Variants in TMC1 observed in about 807,000 individuals in gnomAD.
The protein encoded by TMC1 is transmembrane channel-like protein 1.
A neutral mutation model predicts 105.8 loss-of-function variants in TMC1; 84 were observed. The ratio of observed to expected loss-of-function variants is 0.79; its 90% confidence interval spans 0.67 to 0.95. The LOEUF (loss-of-function observed/expected upper bound fraction) is 0.95. Ranked by LOEUF, TMC1 falls within the 40% of genes least tolerant of loss-of-function variation. TMC1 has a pLI of 0.00. For synonymous variants in TMC1, 315 were observed against 311.5 expected (o/e 1.01, Z -0.12); for missense variants, 817 against 914.1 (o/e 0.89, Z 1.37).
chr9:72,809,946 T>C (rs1828670106), intron 18 of TMC1, among the ~76,000 whole-genome samples: 2 of 149,994 alleles, frequency 1.3e-5, no homozygotes, highest in South Asian at 4.2e-4. Context: ...TGTGTGTGTT[T>C]GTGTGTGTGT....
At chr9:72,706,633 C>G (rs1826744739) in intron 8 of TMC1, among the ~76,000 whole-genome samples, 1 of 152,178 alleles carries the variant, frequency 6.6e-6, no homozygotes, top group Non-Finnish European at 1.5e-5. Flanking sequence ...CATTTCCGTC[C>G]TCATAGCTTA....
chr9:72,657,502 TATC>T (rs1248301208), intron 5 of TMC1, among the ~76,000 whole-genome samples: 1 of 152,198 alleles, frequency 6.6e-6, no homozygotes, highest in Admixed American at 6.5e-5. Context: ...TCCCTTTAGT[TATC>T]ATAATTTTAC....
chr9:72,715,244 GT>G (rs1225019539), intron 8 of TMC1, among the ~76,000 whole-genome samples: 2 of 152,092 alleles, frequency 1.3e-5, no homozygotes, highest in African/African-American at 4.8e-5. Context: ...ATGTATTGGG[GT>G]TGCTCTTCTT....
chr9:72,825,601 T>TG (rs1828939023), intron 20 of TMC1, among the ~76,000 whole-genome samples: 1 of 152,164 alleles, frequency 6.6e-6, no homozygotes, highest in Non-Finnish European at 1.5e-5. Context: ...CCACTCTAAC[T>TG]ACGTTCATCA....
intron 2 of TMC1, among the ~76,000 whole-genome samples, chr9:72,609,179 C>CCCTCCCTTCCTTCCTTCCTTCCTTCCTT (rs1461633849): frequency 3.7e-4 from 50 of 136,162 alleles, no homozygotes; most frequent in African/African-American, 1.3e-3. Context: ...CTTCCTCCTT[C>CCCTCCCTTCCTTCCTTCCTTCCTTCCTT]CCTTCCTTCC....
At chr9:72,592,106 C>T (rs569972205) in intron 2 of TMC1, among the ~76,000 whole-genome samples, 1 of 152,236 alleles carries the variant, frequency 6.6e-6, no homozygotes, top group South Asian at 2.1e-4. Context: ...ATAACATCAA[C>T]AGGATTTGAT....
At chr9:72,823,146 G>A (rs1283924014) in intron 20 of TMC1, among the ~76,000 whole-genome samples, 2 of 152,102 alleles carry the variant, frequency 1.3e-5, no homozygotes, top group African/African-American at 4.8e-5. Context: ...TTTCAATGGA[G>A]TACTGGGAAG....
intron 12 of TMC1, among the ~76,000 whole-genome samples, chr9:72,755,798 T>G (rs1382382825): frequency 6.6e-6 from 1 of 152,214 alleles, no homozygotes; most frequent in Non-Finnish European, 1.5e-5. Flanking sequence ...ACTGCCTGTT[T>G]ATAGTGTTAA....
At chr9:72,533,588 G>C (rs1232158928) in intron 1 of TMC1, among the ~76,000 whole-genome samples, 1 of 152,156 alleles carries the variant, frequency 6.6e-6, no homozygotes, top group African/African-American at 2.4e-5. Context: ...TACTGTTCTG[G>C]AGAGACAAAC....
At chr9:72,629,615 C>G (rs1397388103) in intron 4 of TMC1, among the ~76,000 whole-genome samples, 1 of 151,892 alleles carries the variant, frequency 6.6e-6, no homozygotes, top group Non-Finnish European at 1.5e-5. Flanking sequence ...TGGGAAAAGG[C>G]AAAAGACACT....
intron 5 of TMC1, among the ~76,000 whole-genome samples, chr9:72,682,681 C>T (rs1826306775): frequency 6.6e-6 from 1 of 152,216 alleles, no homozygotes. Context: ...GCAGTAGCTT[C>T]TGTTGTCTAC....
intron 13 of TMC1, among the ~76,000 whole-genome samples, chr9:72,785,196 C>T (rs764585836): frequency 6.6e-6 from 1 of 152,094 alleles, no homozygotes; most frequent in Non-Finnish European, 1.5e-5. Context: ...TTCTAAGACC[C>T]CCAGTGGATG....
chr9:72,779,913 A>T (rs1298002909), intron 13 of TMC1, among the ~76,000 whole-genome samples: 1 of 152,072 alleles, frequency 6.6e-6, no homozygotes, highest in South Asian at 2.1e-4. Flanking sequence ...AATTCAGAGA[A>T]CCCCTGCAAG....
chr9:72,765,853 TC>T (rs1435458561), intron 12 of TMC1, among the ~76,000 whole-genome samples: 1 of 152,102 alleles, frequency 6.6e-6, no homozygotes, highest in East Asian at 1.9e-4. Flanking sequence ...GGTCTAGAAT[TC>T]CCACTGTTAG....
At chr9:72,804,965 C>A (rs1253048674) in intron 17 of TMC1, among the ~76,000 whole-genome samples, 1 of 152,134 alleles carries the variant, frequency 6.6e-6, no homozygotes, top group African/African-American at 2.4e-5. Context: ...AATCTATATT[C>A]ATACTGATTT....
intron 8 of TMC1, among the ~76,000 whole-genome samples, chr9:72,725,759 C>T (rs779374256): frequency 5.3e-5 from 8 of 151,968 alleles, no homozygotes; most frequent in Admixed American, 2.0e-4. Flanking sequence ...GGCACGATCT[C>T]GGCTAACTGC....
intron 5 of TMC1, among the ~76,000 whole-genome samples, chr9:72,682,417 G>T (rs1435068494): frequency 6.6e-6 from 1 of 152,110 alleles, no homozygotes; most frequent in Non-Finnish European, 1.5e-5. Flanking sequence ...GTTTATTAAG[G>T]TATTTGATTT....
intron 1 of TMC1, among the ~76,000 whole-genome samples, chr9:72,565,186 C>G (rs998665895): frequency 6.6e-6 from 1 of 152,114 alleles, no homozygotes; most frequent in Non-Finnish European, 1.5e-5. Context: ...TATTATTTGA[C>G]TAGAGGAACA....
At chr9:72,690,952 T>A (rs758912959) in intron 6 of TMC1, among the ~76,000 whole-genome samples, 3 of 152,150 alleles carry the variant, frequency 2.0e-5, no homozygotes, top group Non-Finnish European at 4.4e-5. Context: ...ACTCCCATAG[T>A]GTATATATTG....
Sources: allele counts gnomAD v4.1 joint callset (sites outside exome capture counted in the v4.1 genomes callset), GRCh38; gene constraint gnomAD v4.1.1; transcripts MANE v1.5; gene names NCBI Gene and HGNC (gene_info 2026-07-23, HGNC 2026-07-21).